ZNF451: variants seen among roughly 807,000 people sequenced by gnomAD.
ZNF451 encodes the protein zinc finger protein 451.
ZNF451 carries 80 observed loss-of-function variants against 107.1 expected under a neutral mutation model. The ratio of observed to expected loss-of-function variants is 0.75; its 90% confidence interval spans 0.62 to 0.90. The LOEUF (loss-of-function observed/expected upper bound fraction) is 0.90. Among genes scored for constraint, ZNF451 ranks in the 40% least tolerant of loss-of-function variants. The probability of loss-of-function intolerance (pLI) is 0.00; values close to 1 mark genes in which losing one functional copy is unlikely to be tolerated. For synonymous variants in ZNF451, 362 were observed against 406.5 expected (o/e 0.89, Z 1.32); for missense variants, 1,107 against 1,236.2 (o/e 0.90, Z 1.57).
chr6:57,113,125 A>G (rs1830187017), intron 3 of ZNF451, among the ~76,000 whole-genome samples: 1 of 151,750 alleles, frequency 6.6e-6, no homozygotes, highest in African/African-American at 2.4e-5. Flanking sequence ...ACCGATTGTT[A>G]TTTTTCTGGT....
chr6:57,137,122 A>T (rs1034836556), intron 7 of ZNF451, among the ~76,000 whole-genome samples: 2 of 151,948 alleles, frequency 1.3e-5, no homozygotes, highest in Admixed American at 6.6e-5. Context: ...ACCTTCAATG[A>T]TTGCTTATTC....
chr6:57,101,877 A>G (rs986467300), intron 3 of ZNF451: 1 of 1,550,460 alleles, frequency 6.4e-7, no homozygotes, highest in African/African-American at 1.4e-5. Flanking sequence ...TTTTTGGACA[A>G]GATGTGAAAG....
intron 9 of ZNF451, among the ~76,000 whole-genome samples, chr6:57,143,641 A>G (rs1027975557): frequency 2.0e-5 from 3 of 152,166 alleles, no homozygotes; most frequent in Non-Finnish European, 2.9e-5. Context: ...AAAAATACGT[A>G]TCTCTTTTTT....
intron 3 of ZNF451, chr6:57,107,384 T>C: frequency 1.0e-6 from 1 of 983,936 alleles, no homozygotes; most frequent in Non-Finnish European, 1.2e-6. Flanking sequence ...ATATTCTAGT[T>C]TCTTCTAATG....
intron 3 of ZNF451, chr6:57,106,951 T>C: frequency 1.1e-6 from 1 of 929,026 alleles, no homozygotes; most frequent in Non-Finnish European, 1.3e-6. Flanking sequence ...TATTATTTTA[T>C]GAAATTTCCC....
intron 13 of ZNF451, among the ~76,000 whole-genome samples, chr6:57,160,305 CT>C (rs898941741): frequency 9.2e-5 from 14 of 151,684 alleles, no homozygotes; most frequent in African/African-American, 2.9e-4. Flanking sequence ...CTCCCCTCCC[CT>C]GTCTTTTCTT....
chr6:57,144,750 G>A (rs1019161320), intron 9 of ZNF451, among the ~76,000 whole-genome samples: 5 of 151,914 alleles, frequency 3.3e-5, no homozygotes, highest in Non-Finnish European at 5.9e-5. Context: ...CTAACATGGC[G>A]AAACCCCATC....
At chr6:57,114,687 A>G (rs1391363419) in intron 3 of ZNF451, among the ~76,000 whole-genome samples, 2 of 152,182 alleles carry the variant, frequency 1.3e-5, no homozygotes, top group East Asian at 1.9e-4. Context: ...TATATTAAAC[A>G]TATTTTTATA....
At chr6:57,118,968 T>A (rs893321383) in intron 3 of ZNF451, among the ~76,000 whole-genome samples, 1 of 152,218 alleles carries the variant, frequency 6.6e-6, no homozygotes. Flanking sequence ...AGTCAGAAAG[T>A]GAGCTGGGGT....
chr6:57,153,406 CT>C lies in ZNF451; in HGVS notation c.2884-442del, dbSNP rs112816489. ...TTATGAACGAGTTCTTTCTTTCTCT[CT>C]TTTTTTTTTTTTCCTTTTTGAGACG... On this transcript the variant is annotated intron_variant, in intron 12 of 14. Transcript: ENST00000370706. Among the ~76,000 whole-genome samples the C allele has an allele frequency of 2.2e-3, 317 of 141,864 alleles. 1 individual carries two copies. The highest frequency in any genetic ancestry group is 2.8e-3 in the African/African-American group (108 of 38,634). The allele number at this position is 141,864 out of a possible 152,430, so 93.1% of individuals were successfully genotyped here.
At chr6:57,136,184 AAAAT>A (rs1418977583) in intron 7 of ZNF451, among the ~76,000 whole-genome samples, 1 of 152,204 alleles carries the variant, frequency 6.6e-6, no homozygotes, top group Non-Finnish European at 1.5e-5. Context: ...ATTCCTAACA[AAAAT>A]AAATAGTAAC....
intron 3 of ZNF451, among the ~76,000 whole-genome samples, chr6:57,111,179 C>T (rs1201430789): frequency 6.6e-6 from 1 of 152,072 alleles, no homozygotes; most frequent in African/African-American, 2.4e-5. Flanking sequence ...CTTTGGCCTC[C>T]CGAAGTGCTG....
intron 3 of ZNF451, chr6:57,105,740 A>G (rs1684335761): frequency 3.0e-6 from 3 of 985,296 alleles, no homozygotes; most frequent in African/African-American, 3.5e-5. Flanking sequence ...GTTCTTAGCC[A>G]TGATAACACA....
At chr6:57,109,252 T>C (rs1830004926) in intron 3 of ZNF451, 1 of 985,334 alleles carries the variant, frequency 1.0e-6, no homozygotes, top group South Asian at 4.7e-5. Flanking sequence ...TGCTTGAGTT[T>C]TTTCTTTGTT....
At chr6:57,122,669 T>A (rs1830698250) in intron 3 of ZNF451, among the ~76,000 whole-genome samples, 1 of 152,046 alleles carries the variant, frequency 6.6e-6, no homozygotes. Context: ...AAAATCACAA[T>A]CAGATACCAT....
chr6:57,158,846 G>C, intron 13 of ZNF451: 1 of 985,424 alleles, frequency 1.0e-6, no homozygotes, highest in Non-Finnish European at 1.2e-6. Flanking sequence ...CTTCATTGTG[G>C]ATGAGTGGGT....
intron 2 of ZNF451, among the ~76,000 whole-genome samples, chr6:57,094,775 A>G (rs954562296): frequency 2.9e-4 from 44 of 152,200 alleles, no homozygotes; most frequent in Non-Finnish European, 1.5e-4. Context: ...AAAATGTGTT[A>G]TTTCAGGAAC....
intron 3 of ZNF451, among the ~76,000 whole-genome samples, chr6:57,122,186 A>G (rs1351707232): frequency 1.3e-5 from 2 of 152,196 alleles, no homozygotes; most frequent in Non-Finnish European, 2.9e-5. Flanking sequence ...GACCATATTC[A>G]GAAGTGTAAA....
chr6:57,105,316 A>G (rs975260381), intron 3 of ZNF451: 2 of 983,694 alleles, frequency 2.0e-6, no homozygotes, highest in Non-Finnish European at 2.4e-6. Flanking sequence ...TATACAATGT[A>G]TATAGAGACA....
Sources: gnomAD v4.1 joint callset for allele counts (sites outside exome capture counted in the v4.1 genomes callset) on GRCh38, gnomAD v4.1.1 for gene constraint, MANE v1.5 for transcripts, NCBI Gene and HGNC (gene_info 2026-07-23, HGNC 2026-07-21) for gene names.